The following ITGA5 variants were observed in gnomAD, a reference collection of about 807,000 sequenced individuals.
The protein encoded by ITGA5 is integrin alpha-5.
A neutral mutation model predicts 146.3 loss-of-function variants in ITGA5; 55 were observed. The observed-to-expected ratio is 0.38, with a 90% CI of 0.30 to 0.47. The LOEUF is 0.47. Among genes scored for constraint, ITGA5 ranks in the 20% least tolerant of loss-of-function variants. The pLI is 0.99. For missense variants in ITGA5, 1,131 were observed against 1,329.0 expected, an observed-to-expected ratio of 0.85 and a Z score of 2.32; for synonymous variants, 500 against 531.8, an observed-to-expected ratio of 0.94 and a Z score of 0.82.
At chr12:54,407,451 C>G in intron 9 of ITGA5, 198 bp downstream of exon 9, 2 of 624,058 alleles carry the variant, frequency 3.2e-6, no homozygotes, top group South Asian at 3.7e-5. Context: ...GAAGAAGGCT[C>G]AGAGAGGTTC....
chr12:54,409,657 C>A lies in ITGA5; in HGVS notation c.350-60G>T. ...CATGGACATTTGAGCTCTAGGGCAGCCCCTACCCTCAGCCTGGGGATACCC... is the reference window on the plus strand; with the variant it reads ...CATGGACATTTGAGCTCTAGGGCAGACCCTACCCTCAGCCTGGGGATACCC... On this transcript the variant is annotated intron_variant, in intron 2 of 29. Transcript: ENST00000293379. This position sits in a 1 kb window ranked among gnomAD's most constrained non-coding sequence, Gnocchi z 4.7. 2 of 1,144,174 alleles carry A rather than the reference C, an allele frequency of 1.7e-6. No individual in the cohort carries two copies. The highest frequency in any genetic ancestry group is 2.5e-6 in the Non-Finnish European group (2 of 785,520). The allele number at this position is 1,144,174 out of a possible 1,614,324, so 70.9% of individuals were successfully genotyped here.
chr12:54,409,232 C>T lies in ITGA5; in HGVS notation c.583G>A (p.Asp195Asn). 1 of 1,610,196 alleles carries T rather than the reference C, an allele frequency of 6.2e-7. No individual in the cohort carries two copies. The highest frequency in any genetic ancestry group is 8.5e-7 in the Non-Finnish European group (1 of 1,178,276). Residue 195 changes from aspartate (D) to asparagine (N), a missense_variant and splice_region_variant, in exon 4 of 30, where the codon GAT (aspartate) becomes AAT (asparagine). Asp to Asn is a conservative substitution (Grantham distance 23). Coordinates refer to ENST00000293379, the MANE Select transcript of ITGA5 (RefSeq NM_002205.5). The surrounding 1 kb of genome is among the most constrained non-coding windows in gnomAD (Gnocchi z 4.7). ...RILEYAPCRS[D>N]FSWAAGQGYC... ...GGCACAGGCCCCCTCTTGCCCCTAC[C>T]TGAGCGGCAGGGTGCATACTCCAGA...
chr12:54,398,760 C>T, intron 27 of ITGA5, 62 bp from the exon 28 acceptor site: 1 of 1,114,138 alleles, frequency 9.0e-7, no homozygotes, highest in Non-Finnish European at 1.3e-6. Context: ...CATAGGGTTC[C>T]CCATCGTCTG....
intron 1 of ITGA5, among the ~76,000 whole-genome samples, chr12:54,415,508 A>G (rs979818544): frequency 1.3e-5 from 2 of 152,170 alleles, no homozygotes; most frequent in African/African-American, 4.8e-5. Context: ...GAGTTAAGTA[A>G]TGGGCTTAGG....
At chr12:54,410,657 C>T (rs901603203) in intron 2 of ITGA5, among the ~76,000 whole-genome samples, 25 of 151,510 alleles carry the variant, frequency 1.7e-4, no homozygotes, top group Non-Finnish European at 1.0e-4. Flanking sequence ...GAGAATCACT[C>T]AAGTGATTCT....
Position 54,403,008 on chromosome 12 carries a change from G to A in ITGA5, c.1957C>T (p.Pro653Ser). ...CCAAACACTTCCAGCTGCAGGTCAGGCACACAGATGTTGTCTTCTCCACAG... is the reference window on the plus strand; with the variant it reads ...CCAAACACTTCCAGCTGCAGGTCAGACACACAGATGTTGTCTTCTCCACAG... The part of the protein sequence containing the change: ...LDCGEDNICV[P>S]DLQLEVFGEQ... The change falls in exon 19 of 30, where the codon CCT becomes TCT. Residue 653 changes from proline to serine, a missense_variant. Coordinates refer to ENST00000293379, the MANE Select transcript of ITGA5 (RefSeq NM_002205.5). The surrounding 1 kb of genome is among the most constrained non-coding windows in gnomAD (Gnocchi z 4.9). The A allele has an allele frequency of 6.2e-7, 1 of 1,614,116 alleles. No individual in the cohort carries two copies. The highest frequency in any genetic ancestry group is 8.5e-7 in the Non-Finnish European group (1 of 1,180,010).
In ITGA5 at chr12:54,403,730, T is replaced by A; in HGVS notation, c.1671A>T (p.Val557=). Reference sequence around the variant, plus strand: ...TGGAGGCCAGGAACAGTGCCCGCCGTACCCCTCCCTTCTGCTTCTGCCAGT... The same window carrying A: ...TGGAGGCCAGGAACAGTGCCCGCCGAACCCCTCCCTTCTGCTTCTGCCAGT... The part of the protein sequence containing the change: ...QLDWQKQKGG[V]RRALFLASRQ... Residue 557 remains valine (V), a synonymous_variant, in exon 17 of 30, where the codon GTA becomes GTT. Coordinates refer to ENST00000293379, the MANE Select transcript of ITGA5 (RefSeq NM_002205.5). This position sits in a 1 kb window ranked among gnomAD's most constrained non-coding sequence, Gnocchi z 4.9. 6.2e-7 allele frequency: 1 copy of A among 1,614,230 alleles called. No individual in the cohort carries two copies. Among genetic ancestry groups the A allele is most frequent in the Non-Finnish European group, 8.5e-7 (1 of 1,180,038 alleles).
In ITGA5 at chr12:54,401,460, T is replaced by C. The variant is rs1044043824; in HGVS notation, c.2406A>G (p.Ala802=). 2 of 1,613,748 alleles carry C rather than the reference T, an allele frequency of 1.2e-6. No homozygotes were observed. Among genetic ancestry groups the C allele is most frequent in the African/African-American group, 2.7e-5 (2 of 74,742 alleles). ...GCCAGTCGCTTACTGGGAATAGCAC[T>C]GCCTCAGGCTTGGAGACACTAAGGA... ...VTLNGVSKPE[A]VLFPVSDWHP... is the part of the protein sequence containing the mutation. Residue 802 remains alanine, a synonymous_variant, in exon 24 of 30, where the codon GCA becomes GCG. Coordinates refer to ENST00000293379, the MANE Select transcript of ITGA5 (RefSeq NM_002205.5). The surrounding 1 kb of genome is among the most constrained non-coding windows in gnomAD (Gnocchi z 5.0).
chr12:54,408,794 C>A lies in ITGA5; in HGVS notation c.653G>T (p.Arg218Leu). 1 of 1,613,760 alleles carries A rather than the reference C, an allele frequency of 6.2e-7. No homozygotes were observed. ...GFSAEFTKTG[R>L]VVLGGPGSYF... is the part of the protein sequence containing the mutation. ...GCTTCCTGGTCCACCTAAAACCACA[C>A]GGCCAGTCTGTGGGTGAAAGGAGGG... Residue 218 changes from arginine to leucine, a missense_variant, in exon 6 of 30, where the codon CGT (arginine) becomes CTT (leucine). Coordinates refer to ENST00000293379, the MANE Select transcript of ITGA5 (RefSeq NM_002205.5).
chr12:54,399,962 G>A lies in ITGA5; in HGVS notation c.2644-15C>T. ...TCGGGATCCAACTATAAAAGAAAGTGTTGGGCCCCTTTCCCATCTCATTAC... is the reference window on the plus strand; with the variant it reads ...TCGGGATCCAACTATAAAAGAAAGTATTGGGCCCCTTTCCCATCTCATTAC... On this transcript the variant is annotated splice_polypyrimidine_tract_variant and intron_variant, in intron 25 of 29. Coordinates refer to ENST00000293379, the MANE Select transcript of ITGA5 (RefSeq NM_002205.5). 2 of 1,602,042 alleles carry A rather than the reference G, an allele frequency of 1.2e-6. No individual in the cohort carries two copies. The highest frequency in any genetic ancestry group is 2.2e-5 in the East Asian group (1 of 44,812).
rs1001160000 is a variant in ITGA5, at chr12:54,399,941, G to C, written c.2650C>G (p.Pro884Ala). The C allele has an allele frequency of 1.9e-6, 3 of 1,613,476 alleles. No homozygotes were observed. The highest frequency in any genetic ancestry group is 2.5e-6 in the Non-Finnish European group (3 of 1,179,470). Reference protein sequence around the residue: ...PINPKGLELDPEGSLHHQQKR... With the variant: ...PINPKGLELDAEGSLHHQQKR... The stretch of plus-strand genomic sequence containing the variant: ...TGCTGGTGGTGCAGGGAACCCTCGG[G>C]ATCCAACTATAAAAGAAAGTGTTGG... The change falls in exon 26 of 30, where the codon CCC (proline) becomes GCC (alanine). Residue 884 changes from proline to alanine, a missense_variant. Physicochemically the swap from Pro to Ala is conservative, Grantham distance 27. Around this residue, in one of 3 missense-constraint regions of ITGA5, gnomAD observed 889 missense variants for 1,021.5 expected, o/e 0.87. Transcript: ENST00000293379.
intron 28 of ITGA5, among the ~76,000 whole-genome samples, chr12:54,398,328 C>T (rs1376891776): frequency 2.0e-5 from 3 of 152,208 alleles, no homozygotes; most frequent in Non-Finnish European, 4.4e-5. Context: ...CCCAGTTAGA[C>T]TGGGTTCAGG....
In ITGA5 at chr12:54,400,811, G is replaced by T. The variant is rs551961828; in HGVS notation, c.2643+35C>A. ...CCCTCAGCCTTGGTCCTCTGAATCT[G>T]CTCCTCTTCCCCATGCCAGTGTTCA... On this transcript the variant is annotated intron_variant, in intron 25 of 29. Coordinates refer to ENST00000293379, the MANE Select transcript of ITGA5 (RefSeq NM_002205.5). 8 of 1,604,624 alleles carry T rather than the reference G, an allele frequency of 5.0e-6. No individual in the cohort carries two copies. The African/African-American group carries it at 8.0e-5, about 16-fold the overall frequency.
At position 54,409,864 on chromosome 12, in the gene ITGA5, C is replaced by T; in HGVS notation, c.350-267G>A. On this transcript the variant is annotated intron_variant, in intron 2 of 29. Transcript: ENST00000293379. The surrounding 1 kb of genome is among the most constrained non-coding windows in gnomAD (Gnocchi z 4.7). ...CACACGCACACAGAACCTGGGCTTT[C>T]TTTTTTTTTTGAGATGGAGTCTCAC... The T allele has an allele frequency of 3.5e-6, 1 of 287,626 alleles. No individual in the cohort carries two copies. The highest frequency in any genetic ancestry group is 4.7e-5 in the South Asian group (1 of 21,060). The allele number at this position is 287,626 out of a possible 1,614,324, so 17.8% of individuals were successfully genotyped here.
At chr12:54,398,750 C>A in intron 27 of ITGA5, 52 bp from the exon 28 acceptor site, 1 of 1,234,650 alleles carries the variant, frequency 8.1e-7, no homozygotes, top group African/African-American at 1.6e-5. Flanking sequence ...ATCCAGAGGA[C>A]ATAGGGTTCC....
At position 54,402,225 on chromosome 12, in the gene ITGA5, G is replaced by T; in HGVS notation, c.2088C>A (p.Thr696=). Reference sequence around the variant, plus strand: ...CTGAGTACTCAGCCTCTGGAGGGGCGGTGACCCGAAGCTCAGCCTCATAGG... The same window carrying T: ...CTGAGTACTCAGCCTCTGGAGGGGCTGTGACCCGAAGCTCAGCCTCATAGG... ...GGAYEAELRV[T]APPEAEYSGL... Residue 696 remains threonine (T), a synonymous_variant, in exon 20 of 30, where the codon ACC becomes ACA. Coordinates refer to ENST00000293379, the MANE Select transcript of ITGA5 (RefSeq NM_002205.5). 1 of 1,614,058 alleles carries T rather than the reference G, an allele frequency of 6.2e-7. No homozygotes were observed.
chr12:54,406,068 C>T, intron 9 of ITGA5, 142 bp from the exon 10 acceptor site: 1 of 712,932 alleles, frequency 1.4e-6, no homozygotes. Flanking sequence ...TCAGCTTTGC[C>T]CTCATATTCC....
Position 54,401,281 on chromosome 12 carries a change from C to G in ITGA5, c.2493+92G>C. 1.0e-6 allele frequency: 1 copy of G among 979,778 alleles called. No homozygotes were observed. Among genetic ancestry groups the G allele is most frequent in the Non-Finnish European group, 1.6e-6 (1 of 609,700 alleles). 60.7% of individuals were successfully genotyped at this position (979,778 alleles called of 1,614,324 possible). A position where few individuals can be genotyped will look rare whatever the true frequency, so the allele number is the denominator to read the frequency against. ...ACTTACTCCTCCCTCCTCTCTTTCT[C>G]TCAGTCCCTCACATGGGTTCCAGCC... On this transcript the variant is annotated intron_variant, in intron 24 of 29. Coordinates refer to ENST00000293379, the MANE Select transcript of ITGA5 (RefSeq NM_002205.5). This position sits in a 1 kb window ranked among gnomAD's most constrained non-coding sequence, Gnocchi z 5.0.
chr12:54,411,693 G>T, intron 2 of ITGA5, 141 bp downstream of exon 2: 1 of 572,892 alleles, frequency 1.7e-6, no homozygotes, highest in Non-Finnish European at 2.8e-6. Context: ...ACTGTAAGCA[G>T]TTGGAGCACC....
Sources: gnomAD v4.1 joint callset for allele counts (sites outside exome capture counted in the v4.1 genomes callset) on GRCh38, gnomAD v4.1.1 for gene constraint, gnomAD v4.1.1 regional missense constraint, Gnocchi (gnomAD v3.1) non-coding constraint, MANE v1.5 for transcripts, NCBI Gene and HGNC (gene_info 2026-07-23, HGNC 2026-07-21) for gene names.